The following PTPRD variants were observed in gnomAD, a reference collection of about 807,000 sequenced individuals.
PTPRD encodes the protein protein tyrosine phosphatase receptor type D.
Under a neutral mutation model 214.5 loss-of-function variants are expected in PTPRD, and 34 were observed. The observed-to-expected ratio is 0.16, with a 90% CI of 0.12 to 0.21. The LOEUF is 0.21. Ranked by LOEUF, PTPRD falls within the 10% of genes least tolerant of loss-of-function variation. PTPRD has a pLI of 1.00. For missense variants in PTPRD, 2,545 were observed against 2,398.7 expected (o/e 1.06, Z -1.27); for synonymous variants, 1,128 against 845.7 (o/e 1.33, Z -5.79).
chr9:9,695,130 G>A (rs563383621), intron 7 of PTPRD, among the ~76,000 whole-genome samples: 3 of 152,248 alleles, frequency 2.0e-5, no homozygotes, highest in African/African-American at 7.2e-5. Flanking sequence ...TCTGGGTATC[G>A]CTGGTGGTTA....
At chr9:9,005,135 A>T (rs193289485) in intron 11 of PTPRD, among the ~76,000 whole-genome samples, 2 of 152,184 alleles carry the variant, frequency 1.3e-5, no homozygotes, top group East Asian at 1.9e-4. Flanking sequence ...TTCCACTGGT[A>T]GAAATGGAAG....
At chr9:9,413,113 T>TTTTTTTTTTTTTTTTG in intron 8 of PTPRD, among the ~76,000 whole-genome samples, 1 of 115,578 alleles carries the variant, frequency 8.7e-6, no homozygotes, top group Non-Finnish European at 1.8e-5. Context: ...TTTTTTTTTT[T>TTTTTTTTTTTTTTTTG]TTTTTTTTTT....
At position 10,285,894 on chromosome 9, in the gene PTPRD, T is replaced by C. The variant is rs867501095; in HGVS notation, c.-545+55069A>G. On this transcript the variant is annotated intron_variant, in intron 3 of 45. Coordinates refer to ENST00000381196, the MANE Select transcript of PTPRD (RefSeq NM_002839.4). ...AAAGTGCTGGGATACAGGCGTGAGC[T>C]ACTGTGCCCGGCCGGGGTCTCATTT... Among the ~76,000 whole-genome samples, 8 of 152,068 alleles carry C rather than the reference T, an allele frequency of 5.3e-5. 1 individual carries two copies. The Middle Eastern group carries it at 0.01, about 194-fold the overall frequency.
chr9:9,324,304 C>A (rs148351320), intron 9 of PTPRD, among the ~76,000 whole-genome samples: 2,598 of 152,226 alleles, frequency 0.017, 75 homozygotes, highest in African/African-American at 0.06. Context: ...ACATTCCCAC[C>A]AACAGTGTAA....
intron 7 of PTPRD, among the ~76,000 whole-genome samples, chr9:9,630,425 T>C (rs528135609): frequency 3.3e-5 from 5 of 152,204 alleles, no homozygotes; most frequent in Non-Finnish European, 7.4e-5. Flanking sequence ...CCACTTTTCC[T>C]ACACCTTCTA....
intron 2 of PTPRD, among the ~76,000 whole-genome samples, chr9:10,505,263 A>T (rs1234896710): frequency 6.6e-6 from 1 of 152,228 alleles, no homozygotes; most frequent in Non-Finnish European, 1.5e-5. Context: ...CACTGGTGAC[A>T]GTATTCCCAA....
intron 7 of PTPRD, among the ~76,000 whole-genome samples, chr9:9,613,670 A>C (rs951778892): frequency 6.6e-6 from 1 of 151,978 alleles, no homozygotes; most frequent in African/African-American, 2.4e-5. Context: ...TTTTTCTCTT[A>C]CTCATTTCTA....
intron 5 of PTPRD, among the ~76,000 whole-genome samples, chr9:9,896,561 A>T (rs950945819): frequency 2.0e-5 from 3 of 152,090 alleles, no homozygotes; most frequent in African/African-American, 7.2e-5. Context: ...AATGATTGGC[A>T]AAAGAACAAC....
intron 14 of PTPRD, among the ~76,000 whole-genome samples, chr9:8,627,450 G>A (rs906352799): frequency 1.3e-5 from 2 of 151,790 alleles, no homozygotes; most frequent in Admixed American, 6.6e-5. Flanking sequence ...TCTATGGTTC[G>A]GTTAACAAGT....
At position 9,104,614 on chromosome 9, in the gene PTPRD, G is replaced by C. The variant is rs80029128; in HGVS notation, c.-143+78690C>G. Among the ~76,000 whole-genome samples, 362 of 152,308 alleles carry C rather than the reference G, an allele frequency of 2.4e-3. 2 individuals are homozygous for C. The highest frequency in any genetic ancestry group is 4.0e-3 in the Non-Finnish European group (272 of 68,030). On this transcript the variant is annotated intron_variant, in intron 10 of 45. Coordinates refer to ENST00000381196, the MANE Select transcript of PTPRD (RefSeq NM_002839.4). Reference sequence around the variant, plus strand: ...AACAAGTGCTGTAAGAACCATGTTGGACAGTATCTAACCTCATGAAACAGG... The same window carrying C: ...AACAAGTGCTGTAAGAACCATGTTGCACAGTATCTAACCTCATGAAACAGG...
chr9:8,548,375 G>GT (rs764012518), intron 14 of PTPRD, among the ~76,000 whole-genome samples: 96 of 146,996 alleles, frequency 6.5e-4, no homozygotes, highest in East Asian at 1.6e-3. Flanking sequence ...CTGGAATTTT[G>GT]TTTTTTTTTT....
At chr9:9,484,233 C>T (rs1241238511) in intron 8 of PTPRD, among the ~76,000 whole-genome samples, 2 of 151,300 alleles carry the variant, frequency 1.3e-5, no homozygotes, top group African/African-American at 4.9e-5. Flanking sequence ...CAAATGAAAC[C>T]TTCTGGTCAT....
intron 7 of PTPRD, among the ~76,000 whole-genome samples, chr9:9,682,232 G>A (rs551761833): frequency 1.1e-4 from 16 of 151,696 alleles, no homozygotes; most frequent in Non-Finnish European, 1.9e-4. Flanking sequence ...AGAAGACAGG[G>A]ACAGGAATAG....
At chr9:8,954,400 C>A (rs2154309056) in intron 11 of PTPRD, among the ~76,000 whole-genome samples, 1 of 151,904 alleles carries the variant, frequency 6.6e-6, no homozygotes, top group South Asian at 2.1e-4. Flanking sequence ...ATTATGCTTA[C>A]TACCTGGGTT....
At chr9:10,286,634 C>G (rs1223056565) in intron 3 of PTPRD, among the ~76,000 whole-genome samples, 5 of 152,036 alleles carry the variant, frequency 3.3e-5, no homozygotes, top group African/African-American at 4.8e-5. Context: ...GTATTGCACT[C>G]TCTCCCGGGC....
chr9:8,817,279 A>G (rs1461221767), intron 11 of PTPRD, among the ~76,000 whole-genome samples: 5 of 152,182 alleles, frequency 3.3e-5, no homozygotes. Flanking sequence ...GAGCCAATGG[A>G]TTTTATAAGA....
chr9:10,595,303 G>A (rs1408593270), intron 2 of PTPRD, among the ~76,000 whole-genome samples: 2 of 151,794 alleles, frequency 1.3e-5, no homozygotes, highest in Admixed American at 1.3e-4. Flanking sequence ...AATAAAAAGA[G>A]ATGAACTATA....
chr9:9,028,429 C>G (rs992363385), intron 10 of PTPRD, among the ~76,000 whole-genome samples: 1 of 151,938 alleles, frequency 6.6e-6, no homozygotes, highest in Non-Finnish European at 1.5e-5. Flanking sequence ...ATTTATCCTT[C>G]TAAAACAGGA....
chr9:10,024,965 A>C (rs12352271), intron 4 of PTPRD, among the ~76,000 whole-genome samples: 58 of 151,638 alleles, frequency 3.8e-4, no homozygotes, highest in African/African-American at 1.1e-3. Flanking sequence ...TGAACTCATC[A>C]TTTTTTATGG....
Sources: gnomAD v4.1 joint callset for allele counts (sites outside exome capture counted in the v4.1 genomes callset) on GRCh38, gnomAD v4.1.1 for gene constraint, MANE v1.5 for transcripts, NCBI Gene and HGNC (gene_info 2026-07-23, HGNC 2026-07-21) for gene names.